Variants in ORC5 observed in about 807,000 individuals in gnomAD.
ORC5 encodes the protein protein phosphatase 1, regulatory subunit 117.
Under a neutral mutation model 58.8 loss-of-function variants are expected in ORC5, and 39 were observed. The ratio of observed to expected loss-of-function variants is 0.66; its 90% CI spans 0.51 to 0.87. The LOEUF (loss-of-function observed/expected upper bound fraction) is 0.87, where lower values mean the gene tolerates loss of function less well. Among genes scored for constraint, ORC5 ranks in the 40% least tolerant of loss-of-function variants. ORC5 has a pLI of 0.00. For missense variants in ORC5, 493 were observed against 506.3 expected (o/e 0.97, Z 0.25); for synonymous variants, 218 against 177.6 (o/e 1.23, Z -1.81).
chr7:104,163,517 C>G (rs994101654), intron 11 of ORC5, among the ~76,000 whole-genome samples: 1 of 152,168 alleles, frequency 6.6e-6, no homozygotes, highest in African/African-American at 2.4e-5. Context: ...GAAGGAGACT[C>G]ACTCTGTTGC....
intron 3 of ORC5, among the ~76,000 whole-genome samples, chr7:104,198,242 G>T (rs768754566): frequency 6.6e-6 from 1 of 152,214 alleles, no homozygotes; most frequent in Non-Finnish European, 1.5e-5. Flanking sequence ...AATAGGCAGA[G>T]GTTGGAACAG....
chr7:104,181,570 G>A (rs1249082132), intron 8 of ORC5, among the ~76,000 whole-genome samples: 1 of 152,038 alleles, frequency 6.6e-6, no homozygotes, highest in Non-Finnish European at 1.5e-5. Flanking sequence ...CAGATCACGA[G>A]GTCAGGAGAT....
At chr7:104,170,989 T>C (rs969319221) in intron 8 of ORC5, among the ~76,000 whole-genome samples, 4 of 152,220 alleles carry the variant, frequency 2.6e-5, no homozygotes, top group Admixed American at 6.5e-5. Flanking sequence ...GAATCTACTT[T>C]CCTTTGGATA....
In ORC5 at chr7:104,127,017, ATGCACCC is replaced by A. The variant is rs547289518; in HGVS notation, c.1263-131_1263-125del. On this transcript the variant is annotated intron_variant, in intron 13 of 13. Coordinates refer to ENST00000297431, the MANE Select transcript of ORC5 (RefSeq NM_002553.4). Reference sequence around the variant, plus strand: ...GCTAAAAATCCTATAGTGCTATCAAATGCACCCTGATAGGACTGACATTAATTCTTTA... The same window carrying A: ...GCTAAAAATCCTATAGTGCTATCAAATGATAGGACTGACATTAATTCTTTA... 18 of 573,166 alleles carry A rather than the reference ATGCACCC, an allele frequency of 3.1e-5. No individual in the cohort carries two copies. The African/African-American group carries it at 3.5e-4, about 11-fold the overall frequency. 35.5% of individuals were successfully genotyped at this position (573,166 alleles called of 1,614,324 possible). A position where few individuals can be genotyped will look rare whatever the true frequency, so the allele number is the denominator to read the frequency against.
chr7:104,202,461 C>A, intron 2 of ORC5: 1 of 444,348 alleles, frequency 2.3e-6, no homozygotes, highest in South Asian at 1.6e-5. Context: ...CACAACATCT[C>A]TGTTATGAAT....
chr7:104,158,571 T>G (rs1199712541), intron 12 of ORC5, among the ~76,000 whole-genome samples: 4 of 151,826 alleles, frequency 2.6e-5, no homozygotes, highest in Non-Finnish European at 5.9e-5. Context: ...TTTCACAACC[T>G]ACTCATCTAA....
chr7:104,155,410 T>C (rs906566195), intron 12 of ORC5, among the ~76,000 whole-genome samples: 7 of 151,594 alleles, frequency 4.6e-5, no homozygotes, highest in African/African-American at 7.2e-5. Flanking sequence ...GTCAATATGG[T>C]ACACAGAACT....
chr7:104,207,746 A>G (rs774656091), intron 1 of ORC5, 87 bp downstream of exon 1: 9 of 1,347,676 alleles, frequency 6.7e-6, no homozygotes, highest in Non-Finnish European at 8.5e-6. Flanking sequence ...CCCTCAATCC[A>G]AACACGAAAA....
intron 12 of ORC5, among the ~76,000 whole-genome samples, chr7:104,143,684 C>A (rs1798710023): frequency 6.6e-6 from 1 of 151,834 alleles, no homozygotes; most frequent in Non-Finnish European, 1.5e-5. Flanking sequence ...TGTGATTTTT[C>A]ACATTAAAAA....
chr7:104,178,943 G>A (rs189843045), intron 8 of ORC5, among the ~76,000 whole-genome samples: 9 of 152,084 alleles, frequency 5.9e-5, no homozygotes, highest in African/African-American at 1.7e-4. Flanking sequence ...TGAGAAAAAA[G>A]AATAATTTTG....
At chr7:104,201,009 C>T (rs766915576) in intron 2 of ORC5, 51 bp from the exon 3 acceptor site, 2 of 1,455,752 alleles carry the variant, frequency 1.4e-6, no homozygotes, top group South Asian at 1.2e-5. Context: ...CACACAAACA[C>T]AATAATGGCT....
chr7:104,148,318 G>C (rs1005292705), intron 12 of ORC5, among the ~76,000 whole-genome samples: 1 of 152,144 alleles, frequency 6.6e-6, no homozygotes, highest in African/African-American at 2.4e-5. Flanking sequence ...AGGAGCTATA[G>C]AATACAAAGA....
intron 12 of ORC5, among the ~76,000 whole-genome samples, chr7:104,152,493 T>C (rs1203742502): frequency 6.6e-6 from 1 of 152,170 alleles, no homozygotes; most frequent in East Asian, 1.9e-4. Flanking sequence ...GATTTTTTTC[T>C]AAATCATTTA....
At position 104,200,778 on chromosome 7, in the gene ORC5, T is replaced by G; in HGVS notation, c.346A>C (p.Lys116Gln). 1 of 1,604,258 alleles carries G rather than the reference T, an allele frequency of 6.2e-7. No individual in the cohort carries two copies. The highest frequency in any genetic ancestry group is 1.1e-5 in the South Asian group (1 of 90,676). ...CTTACAATATATACAGTCTGATCTT[T>G]AAGATTTTCAGCTGTGGTTACTTGT... ...FKQVTTAENL[K>Q]DQTVYIVLDK... The change falls in exon 3 of 14, where the codon AAA (lysine) becomes CAA (glutamine). Residue 116 changes from lysine (K) to glutamine (Q), a missense_variant. Coordinates refer to ENST00000297431, the MANE Select transcript of ORC5 (RefSeq NM_002553.4).
intron 12 of ORC5, among the ~76,000 whole-genome samples, chr7:104,137,500 T>G (rs899450437): frequency 2.0e-5 from 3 of 152,002 alleles, no homozygotes; most frequent in African/African-American, 7.3e-5. Flanking sequence ...ATTTCAGTTT[T>G]TGTGCCTAAA....
At chr7:104,164,150 T>A (rs1400612281) in intron 11 of ORC5, among the ~76,000 whole-genome samples, 1 of 152,200 alleles carries the variant, frequency 6.6e-6, no homozygotes, top group African/African-American at 2.4e-5. Flanking sequence ...TTGGGCATGG[T>A]AGCTCATGCC....
At chr7:104,205,574 A>G (rs1800059151) in intron 1 of ORC5, among the ~76,000 whole-genome samples, 1 of 152,226 alleles carries the variant, frequency 6.6e-6, no homozygotes, top group Non-Finnish European at 1.5e-5. Flanking sequence ...TTTACGCAGG[A>G]AAAAGACTTT....
chr7:104,204,032 G>C, intron 2 of ORC5, 110 bp downstream of exon 2: 1 of 546,310 alleles, frequency 1.8e-6, no homozygotes, highest in Non-Finnish European at 3.3e-6. Context: ...GGGAAGGAGA[G>C]TAATGTAAAG....
rs1193180334 is a variant in ORC5, at chr7:104,133,164, G to A, written c.1262+3617C>T. Among the ~76,000 whole-genome samples the A allele has an allele frequency of 6.6e-6, 1 of 152,170 alleles. No homozygotes were observed. The highest frequency in any genetic ancestry group is 2.4e-5 in the African/African-American group (1 of 41,410). On this transcript the variant is annotated intron_variant, in intron 13 of 13. Coordinates refer to ENST00000297431, the MANE Select transcript of ORC5 (RefSeq NM_002553.4). This position sits in a 1 kb window ranked among gnomAD's most constrained non-coding sequence, Gnocchi z 4.7. ...TGGGAAACTACTGAATATTTTTAAT[G>A]AGCAGGGTGACATTAAATTTTTATA...
Sources: gnomAD v4.1 joint callset for allele counts (sites outside exome capture counted in the v4.1 genomes callset) on GRCh38, gnomAD v4.1.1 for gene constraint, Gnocchi (gnomAD v3.1) non-coding constraint, MANE v1.5 for transcripts, NCBI Gene and HGNC (gene_info 2026-07-23, HGNC 2026-07-21) for gene names.